Variants in SCARA3 observed in about 807,000 individuals in gnomAD.
SCARA3 encodes the protein cellular stress response gene protein.
A neutral mutation model predicts 47.0 loss-of-function variants in SCARA3; 39 were observed. The ratio of observed to expected loss-of-function variants is 0.83; its 90% CI spans 0.64 to 1.08. SCARA3 has a LOEUF of 1.08. SCARA3 is among the 50% of genes least tolerant of loss of function. The pLI, the probability that SCARA3 is intolerant of heterozygous loss-of-function variation, is 0.00. For missense variants in SCARA3, 724 were observed against 792.3 expected, an observed-to-expected ratio of 0.91 and a Z score of 1.04; for synonymous variants, 356 against 334.1, an observed-to-expected ratio of 1.07 and a Z score of -0.71.
the SCARA3 span, among the ~76,000 whole-genome samples, chr8:27,693,440 G>A: frequency 6.6e-6 from 1 of 152,156 alleles, no homozygotes; most frequent in East Asian, 1.9e-4. Flanking sequence ...CATACCTTTT[G>A]ATCACATTTC....
At chr8:27,680,278 C>G (rs1239312308), downstream of SCARA3, among the ~76,000 whole-genome samples, 1 of 151,550 alleles carries the variant, frequency 6.6e-6, no homozygotes, top group Non-Finnish European at 1.5e-5. Context: ...CCAACATGAC[C>G]AAAAGTTACT....
At chr8:27,667,709 C>A (rs1340533515) in intron 5 of SCARA3, among the ~76,000 whole-genome samples, 1 of 152,158 alleles carries the variant, frequency 6.6e-6, no homozygotes, top group Non-Finnish European at 1.5e-5. Flanking sequence ...CCTTCTCCAC[C>A]CTGTGGGAGA....
rs759410084 is a variant in SCARA3 at position 27,659,397 on chromosome 8, C to G, written c.1227C>G (p.Thr409=). 1 of 1,613,840 alleles carries G rather than the reference C, an allele frequency of 6.2e-7. No homozygotes were observed. The highest frequency in any genetic ancestry group is 8.5e-7 in the Non-Finnish European group (1 of 1,179,934). Reference sequence around the variant, plus strand: ...AGTCTGTCTCCATCATGCTGGGCACCACAGACCTGCTCCGGGAGCGCTTCA... The same window carrying G: ...AGTCTGTCTCCATCATGCTGGGCACGACAGACCTGCTCCGGGAGCGCTTCA... The part of the protein sequence containing the change: ...LNKSVSIMLG[T]TDLLRERFSL... The change falls in exon 5 of 6, where the codon ACC becomes ACG. Residue 409 remains threonine, a synonymous_variant. Coordinates refer to ENST00000301904, the MANE Select transcript of SCARA3 (RefSeq NM_016240.3).
intron 1 of SCARA3, among the ~76,000 whole-genome samples, chr8:27,636,807 C>T (rs1227732757): frequency 1.3e-5 from 2 of 152,222 alleles, no homozygotes; most frequent in East Asian, 3.9e-4. Flanking sequence ...CACTTCCCTC[C>T]CTGGCAGCCG....
the SCARA3 span, among the ~76,000 whole-genome samples, chr8:27,731,118 T>G: frequency 6.8e-6 from 1 of 148,072 alleles, no homozygotes; most frequent in African/African-American, 2.5e-5. Flanking sequence ...TTTTTTTAAA[T>G]AGAGACAGGG....
the SCARA3 span, among the ~76,000 whole-genome samples, chr8:27,695,811 A>T: frequency 6.6e-6 from 1 of 152,170 alleles, no homozygotes; most frequent in Non-Finnish European, 1.5e-5. Context: ...AAGACAAATC[A>T]AGAGAATATA....
At chr8:27,729,620 G>A in the SCARA3 span, among the ~76,000 whole-genome samples, 1 of 151,822 alleles carries the variant, frequency 6.6e-6, no homozygotes, top group South Asian at 2.1e-4. Context: ...GTGAAACCCC[G>A]TCTCTACTAA....
the SCARA3 span, among the ~76,000 whole-genome samples, chr8:27,715,849 GATAGATAGATAGATAC>G: frequency 0.021 from 2,712 of 131,288 alleles, 32 homozygotes; most frequent in South Asian, 0.032. The surrounding 1 kb of genome is among the most constrained non-coding windows in gnomAD (Gnocchi z 4.2). Context: ...TAGATAGATA[GATAGATAGATAGATAC>G]ATAGATAGAT....
At chr8:27,670,879 C>T (rs1802131961) in intron 5 of SCARA3, 21 bp from the exon 6 acceptor site, 2 of 1,513,560 alleles carry the variant, frequency 1.3e-6, no homozygotes, top group South Asian at 1.3e-5. Context: ...CTGACCTCTC[C>T]CATCTTCTCT....
chr8:27,644,907 G>A (rs1801459655), intron 1 of SCARA3, among the ~76,000 whole-genome samples: 1 of 152,024 alleles, frequency 6.6e-6, no homozygotes, highest in South Asian at 2.1e-4. Context: ...CAATTAACTG[G>A]GACAACAATG....
Position 27,672,090 on chromosome 8 carries a change from A to C in SCARA3, c.*739A>C. The C allele has an allele frequency of 1.0e-6, 1 of 985,402 alleles. No individual in the cohort carries two copies. The highest frequency in any genetic ancestry group is 1.2e-6 in the Non-Finnish European group (1 of 829,952). The allele number at this position is 985,402 out of a possible 1,614,324, so 61.0% of individuals were successfully genotyped here. On this transcript the variant is annotated 3_prime_UTR_variant, in exon 6 of 6. Coordinates refer to ENST00000301904, the MANE Select transcript of SCARA3 (RefSeq NM_016240.3). The stretch of plus-strand genomic sequence containing the variant: ...CAGAGGCAAAGTGGACCTGGCAACC[A>C]CAAGACCCTCCCCATAAGCAGGGGA...
intron 1 of SCARA3, among the ~76,000 whole-genome samples, chr8:27,645,975 C>T (rs557997937): frequency 2.6e-5 from 4 of 152,270 alleles, no homozygotes; most frequent in South Asian, 2.1e-4. Flanking sequence ...GCAAAGGGCT[C>T]GGCTTATAAG....
At chr8:27,647,138 T>A (rs1474725616) in intron 1 of SCARA3, among the ~76,000 whole-genome samples, 1 of 152,020 alleles carries the variant, frequency 6.6e-6, no homozygotes, top group Non-Finnish European at 1.5e-5. Context: ...TACACACACA[T>A]GCACACTCAT....
At chr8:27,634,260 TC>T in intron 1 of SCARA3, 53 bp downstream of exon 1, 1 of 1,309,692 alleles carries the variant, frequency 7.6e-7, no homozygotes, top group Non-Finnish European at 9.7e-7. Flanking sequence ...GCACCCCCGC[TC>T]CACCCAGGGC....
At chr8:27,691,551 C>T in the SCARA3 span, among the ~76,000 whole-genome samples, 4 of 152,130 alleles carry the variant, frequency 2.6e-5, no homozygotes, top group African/African-American at 9.7e-5. Context: ...CCCAGTGAAC[C>T]GCTGTCTCTT....
At chr8:27,732,572 G>A in the SCARA3 span, among the ~76,000 whole-genome samples, 1 of 152,164 alleles carries the variant, frequency 6.6e-6, no homozygotes, top group Non-Finnish European at 1.5e-5. Context: ...GCATTGGGTA[G>A]GTATTTGTAT....
At chr8:27,678,588 G>A (rs1802312825), downstream of SCARA3, among the ~76,000 whole-genome samples, 1 of 152,120 alleles carries the variant, frequency 6.6e-6, no homozygotes, top group Non-Finnish European at 1.5e-5. Context: ...GCTCACTGAT[G>A]AATTCTGCCA....
the SCARA3 span, among the ~76,000 whole-genome samples, chr8:27,691,405 T>C: frequency 2.0e-5 from 3 of 152,184 alleles, no homozygotes; most frequent in African/African-American, 7.2e-5. Context: ...TTCCCTTCTT[T>C]TTGTGCTTGT....
the SCARA3 span, among the ~76,000 whole-genome samples, chr8:27,709,153 G>A: frequency 6.6e-6 from 1 of 152,234 alleles, no homozygotes; most frequent in Non-Finnish European, 1.5e-5. Context: ...ATAGTCTTCA[G>A]AGAAAGGCAA....
Sources: gnomAD v4.1 joint callset for allele counts (sites outside exome capture counted in the v4.1 genomes callset) on GRCh38, gnomAD v4.1.1 for gene constraint, Gnocchi (gnomAD v3.1) non-coding constraint, MANE v1.5 for transcripts, NCBI Gene and HGNC (gene_info 2026-07-23, HGNC 2026-07-21) for gene names.